ADAMTS6: variants seen among roughly 807,000 people sequenced by gnomAD.
The protein encoded by ADAMTS6 is A disintegrin and metalloproteinase with thrombospondin motifs 6.
ADAMTS6 carries 23 observed loss-of-function variants against 144.3 expected under a neutral mutation model. The observed-to-expected ratio is 0.16, with a 90% CI of 0.11 to 0.23. The LOEUF (loss-of-function observed/expected upper bound fraction) is 0.23. Among genes scored for constraint, ADAMTS6 ranks in the 10% least tolerant of loss-of-function variants. ADAMTS6 has a pLI of 1.00. For missense variants in ADAMTS6, 999 were observed against 1,379.6 expected, an observed-to-expected ratio of 0.72 and a Z score of 4.37; for synonymous variants, 444 against 457.5, an observed-to-expected ratio of 0.97 and a Z score of 0.38.
chr5:65,207,556 G>C (rs1221415708), intron 20 of ADAMTS6, among the ~76,000 whole-genome samples: 1 of 152,158 alleles, frequency 6.6e-6, no homozygotes, highest in Non-Finnish European at 1.5e-5. Flanking sequence ...AAGAGGAGGG[G>C]ATGGGAGTGA....
chr5:65,372,165 A>T (rs1358611069), intron 7 of ADAMTS6, among the ~76,000 whole-genome samples: 1 of 142,992 alleles, frequency 7.0e-6, no homozygotes, highest in Non-Finnish European at 1.5e-5. Flanking sequence ...CCACTGCAAA[A>T]TCATGCCAAA....
intron 9 of ADAMTS6, among the ~76,000 whole-genome samples, chr5:65,328,777 G>A (rs1746425020): frequency 7.4e-6 from 1 of 135,920 alleles, no homozygotes; most frequent in African/African-American, 3.5e-5. Flanking sequence ...TTTTGCATGG[G>A]TGGGGGCAGG....
At chr5:65,291,232 A>C (rs1742268556) in intron 11 of ADAMTS6, 97 bp downstream of exon 11, 1 of 1,406,954 alleles carries the variant, frequency 7.1e-7, no homozygotes, top group South Asian at 1.6e-5. Flanking sequence ...TAAAGATATT[A>C]CTAGAGGGAA....
At chr5:65,160,473 AT>A (rs1184923813) in intron 24 of ADAMTS6, among the ~76,000 whole-genome samples, 1 of 151,252 alleles carries the variant, frequency 6.6e-6, no homozygotes, top group Non-Finnish European at 1.5e-5. Flanking sequence ...CGCCCGGCTA[AT>A]TTTTTGTTTT....
intron 20 of ADAMTS6, among the ~76,000 whole-genome samples, chr5:65,202,507 C>T (rs1015647769): frequency 1.3e-5 from 2 of 152,072 alleles, no homozygotes; most frequent in Non-Finnish European, 2.9e-5. Flanking sequence ...CTGAGTAAGA[C>T]AGTCTTGACC....
chr5:65,333,035 T>C (rs1002559553), intron 8 of ADAMTS6, among the ~76,000 whole-genome samples: 1 of 152,186 alleles, frequency 6.6e-6, no homozygotes, highest in African/African-American at 2.4e-5. Context: ...TCCCAGGCAG[T>C]TGCATAACAC....
intron 7 of ADAMTS6, among the ~76,000 whole-genome samples, chr5:65,402,808 C>A (rs1405229065): frequency 6.6e-6 from 1 of 151,944 alleles, no homozygotes; most frequent in Non-Finnish European, 1.5e-5. Context: ...TTTAATAATT[C>A]TCACTATCAT....
At chr5:65,471,894 A>G (rs1169689088) in intron 2 of ADAMTS6, among the ~76,000 whole-genome samples, 1 of 152,204 alleles carries the variant, frequency 6.6e-6, no homozygotes, top group African/African-American at 2.4e-5. Flanking sequence ...CAGCAATCCT[A>G]CTCTCAGGTA....
At chr5:65,367,064 A>G (rs1336023259) in intron 7 of ADAMTS6, among the ~76,000 whole-genome samples, 1 of 149,046 alleles carries the variant, frequency 6.7e-6, no homozygotes, top group Non-Finnish European at 1.5e-5. Flanking sequence ...GCATTACATC[A>G]GAATCCTTAA....
chr5:65,343,040 A>C (rs1008590612), intron 7 of ADAMTS6, among the ~76,000 whole-genome samples: 1 of 152,152 alleles, frequency 6.6e-6, no homozygotes, highest in African/African-American at 2.4e-5. Flanking sequence ...TGATGAAAGA[A>C]ACTGAAGAGG....
chr5:65,265,086 T>C (rs758571699), intron 12 of ADAMTS6, among the ~76,000 whole-genome samples: 1 of 152,096 alleles, frequency 6.6e-6, no homozygotes, highest in Non-Finnish European at 1.5e-5. Flanking sequence ...TGCTGAGCAA[T>C]TATTTGTCTA....
chr5:65,461,680 TG>T (rs1441915889), intron 3 of ADAMTS6, among the ~76,000 whole-genome samples: 2 of 152,210 alleles, frequency 1.3e-5, no homozygotes, highest in Non-Finnish European at 2.9e-5. Flanking sequence ...AAGGGTTCCA[TG>T]GAAGTGCCCT....
intron 7 of ADAMTS6, among the ~76,000 whole-genome samples, chr5:65,450,800 A>G (rs10471661): frequency 0.3 from 45,233 of 151,980 alleles, 7,722 homozygotes; most frequent in South Asian, 0.4. Context: ...TAACATGAGT[A>G]ACATAATAAC....
In ADAMTS6 at chr5:65,362,987, A is replaced by G. The variant is rs545087720; in HGVS notation, c.1074-28902T>C. ...CCAAAATCCAAAAGGTAAAATGAGA[A>G]CAATTAGCATTTTTCCAAGGTACCA... On this transcript the variant is annotated intron_variant, in intron 7 of 24. Transcript: ENST00000381055. Among the ~76,000 whole-genome samples the G allele has an allele frequency of 2.6e-5, 4 of 152,322 alleles. No individual in the cohort carries two copies. The East Asian group carries it at 7.7e-4, about 29-fold the overall frequency.
At chr5:65,452,944 T>A in intron 4 of ADAMTS6, 26 bp from the exon 5 acceptor site, 1 of 1,550,226 alleles carries the variant, frequency 6.5e-7, no homozygotes, top group South Asian at 1.1e-5. Flanking sequence ...CCAATTCAGA[T>A]AGGTTCACTA....
intron 11 of ADAMTS6, among the ~76,000 whole-genome samples, chr5:65,275,402 A>G (rs1400755155): frequency 6.8e-6 from 1 of 147,242 alleles, no homozygotes; most frequent in Admixed American, 6.8e-5. Flanking sequence ...AAAGAAAGAA[A>G]GAAAGAAAGA....
At chr5:65,171,369 T>C (rs1331957066) in intron 23 of ADAMTS6, among the ~76,000 whole-genome samples, 1 of 152,190 alleles carries the variant, frequency 6.6e-6, no homozygotes, top group South Asian at 2.1e-4. Flanking sequence ...GATTAGGTCA[T>C]TCTACTATCA....
intron 7 of ADAMTS6, among the ~76,000 whole-genome samples, chr5:65,402,255 T>C (rs1247044727): frequency 1.3e-5 from 2 of 152,066 alleles, no homozygotes; most frequent in African/African-American, 2.4e-5. Context: ...CTTCTCTCTC[T>C]CCAATGAACT....
At chr5:65,427,225 T>A (rs1224651925) in intron 7 of ADAMTS6, among the ~76,000 whole-genome samples, 1 of 152,066 alleles carries the variant, frequency 6.6e-6, no homozygotes, top group African/African-American at 2.4e-5. Flanking sequence ...AAATTTTCTA[T>A]TTTTCTATTT....
Sources: gnomAD v4.1 joint callset for allele counts (sites outside exome capture counted in the v4.1 genomes callset) on GRCh38, gnomAD v4.1.1 for gene constraint, MANE v1.5 for transcripts, NCBI Gene and HGNC (gene_info 2026-07-23, HGNC 2026-07-21) for gene names.